Variants in GABRG3 observed in about 807,000 individuals in gnomAD.
GABRG3 encodes the protein gamma-aminobutyric acid receptor subunit gamma-3.
A neutral mutation model predicts 48.8 loss-of-function variants in GABRG3; 25 were observed. The observed-to-expected ratio is 0.51, with a 90% CI of 0.37 to 0.72. The LOEUF (loss-of-function observed/expected upper bound fraction) is 0.72, where lower values mean the gene tolerates loss of function less well. Ranked by LOEUF, GABRG3 falls within the 30% of genes least tolerant of loss-of-function variation. The pLI, the probability that GABRG3 is intolerant of heterozygous loss-of-function variation, is 0.00. For missense variants in GABRG3, 394 were observed against 577.9 expected (o/e 0.68, Z 3.26); for synonymous variants, 227 against 217.6 (o/e 1.04, Z -0.38).
intron 3 of GABRG3, among the ~76,000 whole-genome samples, chr15:27,183,707 A>G (rs1238035659): frequency 6.6e-6 from 1 of 152,242 alleles, no homozygotes; most frequent in Non-Finnish European, 1.5e-5. Flanking sequence ...ATGCAAGAGG[A>G]ATTTTTCCCT....
chr15:27,131,163 C>G lies in GABRG3; in HGVS notation c.270+104342C>G, dbSNP rs150331558. On this transcript the variant is annotated intron_variant, in intron 3 of 9. Coordinates refer to ENST00000615808, the MANE Select transcript of GABRG3 (RefSeq NM_033223.5). ...TCATTCACTATTGAATGTGATGTTG[C>G]CAGCGGGTTTTTATACATGGCTTTT... is the stretch of plus-strand genomic sequence containing the variant. Among the ~76,000 whole-genome samples the G allele has an allele frequency of 3.2e-3, 484 of 152,110 alleles. 1 individual carries two copies. Among genetic ancestry groups the G allele is most frequent in the African/African-American group, 0.011 (468 of 41,514 alleles).
chr15:27,409,129 AT>A (rs573521365), intron 5 of GABRG3, among the ~76,000 whole-genome samples: 1 of 151,906 alleles, frequency 6.6e-6, no homozygotes, highest in African/African-American at 2.4e-5. Context: ...CCAACTTAAT[AT>A]TTTTTTCTTT....
At chr15:27,121,181 A>G (rs1269588060) in intron 3 of GABRG3, among the ~76,000 whole-genome samples, 1 of 152,198 alleles carries the variant, frequency 6.6e-6, no homozygotes, top group Non-Finnish European at 1.5e-5. Flanking sequence ...GATGGGAACC[A>G]GGTAAGGAAT....
Position 27,450,806 on chromosome 15 carries a change from T to C in GABRG3, c.575-29844T>C, listed in dbSNP as rs116690654. On this transcript the variant is annotated intron_variant, in intron 5 of 9. Transcript: ENST00000615808. ...AGGTTGCAAATGACATGATCTTATA[T>C]GTAGAAAACCCTAGTCCCCCAAATT... Among the ~76,000 whole-genome samples the C allele has an allele frequency of 4.0e-3, 604 of 152,252 alleles. 3 individuals carry two copies. The highest frequency in any genetic ancestry group is 0.014 in the African/African-American group (572 of 41,536).
intron 2 of GABRG3, among the ~76,000 whole-genome samples, chr15:27,003,737 G>C (rs1361819616): frequency 1.3e-5 from 2 of 151,974 alleles, no homozygotes; most frequent in Non-Finnish European, 2.9e-5. Context: ...GAGCTGTTGG[G>C]TACACCTCCC....
intron 3 of GABRG3, among the ~76,000 whole-genome samples, chr15:27,125,799 G>A (rs1043548744): frequency 6.6e-6 from 1 of 152,236 alleles, no homozygotes; most frequent in Non-Finnish European, 1.5e-5. Flanking sequence ...GCAACTGGCC[G>A]CTGTCTGCCG....
At chr15:27,329,794 C>G (rs2140520646) in intron 5 of GABRG3, among the ~76,000 whole-genome samples, 1 of 152,090 alleles carries the variant, frequency 6.6e-6, no homozygotes, top group East Asian at 1.9e-4. Context: ...AAAGGAATAT[C>G]AAATATCAAA....
chr15:27,432,039 G>A (rs547239013), intron 5 of GABRG3, among the ~76,000 whole-genome samples: 152 of 152,084 alleles, frequency 1.0e-3, no homozygotes, highest in African/African-American at 1.6e-3. Flanking sequence ...TACATTTATC[G>A]AAGCTTATTT....
At chr15:27,388,367 A>AGGAAGGAAGGAAGGAAG (rs1429966473) in intron 5 of GABRG3, among the ~76,000 whole-genome samples, 1 of 66,956 alleles carries the variant, frequency 1.5e-5, no homozygotes, top group African/African-American at 6.4e-5. Flanking sequence ...GAAGGAAGGA[A>AGGAAGGAAGGAAGGAAG]GAAAGGAAGG....
intron 2 of GABRG3, among the ~76,000 whole-genome samples, chr15:26,989,610 GT>G (rs138190900): frequency 6.6e-6 from 1 of 151,984 alleles, no homozygotes; most frequent in South Asian, 2.1e-4. Context: ...TGCCTCAAGT[GT>G]TTTTTTATGT....
At chr15:27,339,102 G>T (rs1373746890) in intron 5 of GABRG3, among the ~76,000 whole-genome samples, 2 of 152,158 alleles carry the variant, frequency 1.3e-5, no homozygotes, top group African/African-American at 4.8e-5. Context: ...AACTAGGAGG[G>T]TCCTGTCTCC....
At chr15:27,461,576 C>T (rs543969083) in intron 5 of GABRG3, among the ~76,000 whole-genome samples, 37 of 152,320 alleles carry the variant, frequency 2.4e-4, no homozygotes, top group East Asian at 7.7e-4. Flanking sequence ...TCACTGCTGG[C>T]ATGGGTGGCC....
intron 3 of GABRG3, among the ~76,000 whole-genome samples, chr15:27,244,909 G>T (rs924700516): frequency 6.6e-6 from 1 of 151,902 alleles, no homozygotes; most frequent in East Asian, 1.9e-4. Context: ...TTAAAATTTA[G>T]CAACAGTGTG....
In GABRG3 at chr15:27,480,724, C is replaced by T. The variant is rs77287112; in HGVS notation, c.649C>T (p.Arg217Trp). 4.3e-6 allele frequency: 7 copies of T among 1,613,280 alleles called. No homozygotes were observed. Among genetic ancestry groups the T allele is most frequent in the East Asian group, 4.5e-5 (2 of 44,862 alleles). ...SVEAADQKSW[R>W]LYQFDFMGLR... ...GGAGGCAGCTGACCAGAAATCATGG[C>T]GGCTTTATCAGTTTGACTTCATGGG... is the stretch of plus-strand genomic sequence containing the variant. Residue 217 changes from arginine (R) to tryptophan (W), a missense_variant, in exon 6 of 10, where the codon CGG (arginine) becomes TGG (tryptophan). Transcript: ENST00000615808.
At chr15:27,343,927 A>T (rs143906911) in intron 5 of GABRG3, among the ~76,000 whole-genome samples, 2,215 of 148,144 alleles carry the variant, frequency 0.015, 49 homozygotes, top group African/African-American at 0.053. Context: ...ACTTCTAGGC[A>T]CCTTTCCTTT....
intron 3 of GABRG3, among the ~76,000 whole-genome samples, chr15:27,045,800 G>T (rs1011481684): frequency 6.6e-6 from 1 of 152,218 alleles, no homozygotes; most frequent in Admixed American, 6.5e-5. Context: ...GTCAATGCCC[G>T]TGCCCAGGTC....
chr15:27,282,937 G>T (rs1373384428), intron 3 of GABRG3, among the ~76,000 whole-genome samples: 1 of 152,152 alleles, frequency 6.6e-6, no homozygotes, highest in Admixed American at 6.5e-5. Context: ...ACAGAAGGTG[G>T]TGGAGACGGT....
intron 2 of GABRG3, among the ~76,000 whole-genome samples, chr15:27,007,491 T>G (rs1454657042): frequency 6.6e-6 from 1 of 152,204 alleles, no homozygotes; most frequent in African/African-American, 2.4e-5. Context: ...GAAATCACCA[T>G]ACTACTTTCC....
At chr15:27,507,591 C>T (rs189922217) in intron 6 of GABRG3, among the ~76,000 whole-genome samples, 16 of 152,068 alleles carry the variant, frequency 1.1e-4, no homozygotes, top group South Asian at 2.1e-4. Context: ...TCTATTTTGC[C>T]GAACATTCTA....
Sources: allele counts gnomAD v4.1 joint callset (sites outside exome capture counted in the v4.1 genomes callset), GRCh38; gene constraint gnomAD v4.1.1; transcripts MANE v1.5; gene names NCBI Gene and HGNC (gene_info 2026-07-23, HGNC 2026-07-21).